Variants in CPA6 observed in about 807,000 individuals in gnomAD.
CPA6 encodes carboxypeptidase A6, also known as carboxypeptidase B.
In CPA6, 58 loss-of-function variants were observed where a neutral mutation model predicts 63.3. The ratio of observed to expected loss-of-function variants is 0.92; its 90% CI spans 0.74 to 1.14. The LOEUF (loss-of-function observed/expected upper bound fraction) is 1.14, where lower values mean the gene tolerates loss of function less well. CPA6 is among the 50% of genes most tolerant of loss of function. The pLI is 0.00. For synonymous variants in CPA6, 185 were observed against 179.0 expected (o/e 1.03, Z -0.27); for missense variants, 565 against 526.6 (o/e 1.07, Z -0.71).
rs1340058012 is a variant in CPA6, at chr8:67,652,490, C to A, written c.117-28239G>T. Among the ~76,000 whole-genome samples, 5 of 152,018 alleles carry A rather than the reference C, an allele frequency of 3.3e-5. No individual in the cohort carries two copies. The East Asian group carries it at 9.7e-4, about 29-fold the overall frequency. ...GTTTTGATTTGCATTTCTCTGATGG[C>A]CAGTGATGATGAGCATTTTTTCATG... On this transcript the variant is annotated intron_variant, in intron 1 of 10. Transcript: ENST00000297770.
At chr8:67,561,913 C>T (rs1397983409) in intron 2 of CPA6, among the ~76,000 whole-genome samples, 1 of 152,144 alleles carries the variant, frequency 6.6e-6, no homozygotes, top group Non-Finnish European at 1.5e-5. Flanking sequence ...TTTCCATTTA[C>T]TATTCTGCTT....
chr8:67,703,578 A>T (rs1817070442), intron 1 of CPA6, among the ~76,000 whole-genome samples: 1 of 151,960 alleles, frequency 6.6e-6, no homozygotes, highest in African/African-American at 2.4e-5. Flanking sequence ...ATGCTGCATG[A>T]CCTCCTTCTC....
At chr8:67,545,095 T>A (rs186519827) in intron 2 of CPA6, among the ~76,000 whole-genome samples, 4 of 152,348 alleles carry the variant, frequency 2.6e-5, no homozygotes, top group Admixed American at 1.3e-4. Flanking sequence ...ATTTTTGGAA[T>A]AATGATATTT....
At chr8:67,446,475 T>TA (rs527419602) in intron 8 of CPA6, among the ~76,000 whole-genome samples, 16 of 151,842 alleles carry the variant, frequency 1.1e-4, no homozygotes, top group African/African-American at 3.6e-4. Context: ...CAATTTTAAG[T>TA]AAAAAAAATT....
At chr8:67,687,892 T>G (rs575423285) in intron 1 of CPA6, among the ~76,000 whole-genome samples, 1 of 152,326 alleles carries the variant, frequency 6.6e-6, no homozygotes, top group South Asian at 2.1e-4. Flanking sequence ...TTGTAAGATT[T>G]AATACTACAG....
At chr8:67,610,714 A>G (rs1814783414) in intron 2 of CPA6, among the ~76,000 whole-genome samples, 3 of 152,160 alleles carry the variant, frequency 2.0e-5, no homozygotes, top group Admixed American at 2.0e-4. Flanking sequence ...GCACATGTAC[A>G]TGTCCAGTGT....
At chr8:67,658,524 A>G (rs886185053) in intron 1 of CPA6, among the ~76,000 whole-genome samples, 1 of 152,034 alleles carries the variant, frequency 6.6e-6, no homozygotes, top group Non-Finnish European at 1.5e-5. Context: ...CTCTCTCCCT[A>G]GGGAGTTTCA....
chr8:67,500,533 T>C (rs1811810252), intron 6 of CPA6, among the ~76,000 whole-genome samples: 2 of 152,160 alleles, frequency 1.3e-5, no homozygotes, highest in Non-Finnish European at 2.9e-5. Context: ...AAATTTTGAT[T>C]GTTTGATAAT....
intron 1 of CPA6, among the ~76,000 whole-genome samples, chr8:67,681,845 CT>C (rs1816604887): frequency 6.6e-6 from 1 of 151,570 alleles, no homozygotes; most frequent in African/African-American, 2.4e-5. Flanking sequence ...AATCCTTCAA[CT>C]TTGTTTTTTT....
At chr8:67,523,971 C>T (rs936948808) in intron 2 of CPA6, among the ~76,000 whole-genome samples, 1 of 152,210 alleles carries the variant, frequency 6.6e-6, no homozygotes, top group African/African-American at 2.4e-5. Flanking sequence ...CACTTATGTG[C>T]CATGTCATAG....
intron 1 of CPA6, among the ~76,000 whole-genome samples, chr8:67,703,504 C>T (rs1817068538): frequency 6.6e-6 from 1 of 152,218 alleles, no homozygotes; most frequent in African/African-American, 2.4e-5. Flanking sequence ...CTGAAATGGC[C>T]TTGTGCACCT....
chr8:67,731,177 G>C (rs1479169948), intron 1 of CPA6, among the ~76,000 whole-genome samples: 1 of 152,092 alleles, frequency 6.6e-6, no homozygotes, highest in Non-Finnish European at 1.5e-5. Flanking sequence ...CCAATAGCTG[G>C]GTCCATGGTG....
At chr8:67,475,918 CTTTCTTTCT>C (rs1280990668) in intron 8 of CPA6, among the ~76,000 whole-genome samples, 1 of 89,952 alleles carries the variant, frequency 1.1e-5, no homozygotes, top group Non-Finnish European at 2.2e-5. Context: ...TTCTTTCTTT[CTTTCTTTCT>C]TTCTTTCTCT....
At chr8:67,745,200 T>C (rs1180510523) in intron 1 of CPA6, among the ~76,000 whole-genome samples, 2 of 152,198 alleles carry the variant, frequency 1.3e-5, no homozygotes, top group Non-Finnish European at 2.9e-5. Flanking sequence ...TAAAAAGGAA[T>C]TGAACTAGAG....
intron 2 of CPA6, among the ~76,000 whole-genome samples, chr8:67,594,886 A>C (rs57806124): frequency 0.067 from 10,247 of 152,220 alleles, 619 homozygotes; most frequent in African/African-American, 0.16. Context: ...AACTCGTCAA[A>C]GTCATTCTCC....
chr8:67,541,560 C>T (rs574306299), intron 2 of CPA6, among the ~76,000 whole-genome samples: 2 of 152,264 alleles, frequency 1.3e-5, no homozygotes, highest in Admixed American at 1.3e-4. Context: ...CTTGTGGACC[C>T]CCTTAGAGTT....
At chr8:67,544,692 A>G (rs947221791) in intron 2 of CPA6, among the ~76,000 whole-genome samples, 2 of 152,080 alleles carry the variant, frequency 1.3e-5, no homozygotes, top group Admixed American at 1.3e-4. Context: ...AAGGCACCAA[A>G]TCTGTTTCTT....
At chr8:67,654,713 C>A (rs1335210284) in intron 1 of CPA6, among the ~76,000 whole-genome samples, 1 of 152,044 alleles carries the variant, frequency 6.6e-6, no homozygotes, top group African/African-American at 2.4e-5. Context: ...CAGGATGTTG[C>A]CAATCTGTAA....
intron 1 of CPA6, among the ~76,000 whole-genome samples, chr8:67,744,113 G>A (rs1428006077): frequency 2.6e-5 from 4 of 152,172 alleles, no homozygotes; most frequent in Admixed American, 2.0e-4. Flanking sequence ...TCTGTCTTTT[G>A]CGATGAGAAA....
Sources: allele counts gnomAD v4.1 joint callset (sites outside exome capture counted in the v4.1 genomes callset), GRCh38; gene constraint gnomAD v4.1.1; transcripts MANE v1.5; gene names NCBI Gene and HGNC (gene_info 2026-07-23, HGNC 2026-07-21).